KCNIP3: variants seen among roughly 807,000 people sequenced by gnomAD.
The protein encoded by KCNIP3 is calsenilin.
KCNIP3 carries 28 observed loss-of-function variants against 35.0 expected under a neutral mutation model. The ratio of observed to expected loss-of-function variants is 0.80; its 90% CI spans 0.59 to 1.10. The LOEUF is 1.10. Among genes scored for constraint, KCNIP3 ranks in the 50% least tolerant of loss-of-function variants. KCNIP3 has a pLI of 0.00. For synonymous variants in KCNIP3, 134 were observed against 133.8 expected, an observed-to-expected ratio of 1.00 and a Z score of -0.01; for missense variants, 295 against 338.4, an observed-to-expected ratio of 0.87 and a Z score of 1.01.
rs1680365134 is a variant in KCNIP3, at chr2:95,382,222, G to T, written c.556-155G>T. On this transcript the variant is annotated intron_variant, in intron 6 of 8. Coordinates refer to ENST00000295225, the MANE Select transcript of KCNIP3 (RefSeq NM_013434.5). The surrounding 1 kb of genome is among the most constrained non-coding windows in gnomAD (Gnocchi z 4.5). ...CTAGAGTCAGAAGCTCGCTCTGGGT[G>T]CCCTGGAAGCGGACAGGCTTCTCTC... is the stretch of plus-strand genomic sequence containing the variant. Among the ~76,000 whole-genome samples, 1 of 152,206 alleles carries T rather than the reference G, an allele frequency of 6.6e-6. No individual in the cohort carries two copies. The highest frequency in any genetic ancestry group is 6.5e-5 in the Admixed American group (1 of 15,294).
intron 2 of KCNIP3, among the ~76,000 whole-genome samples, chr2:95,326,176 TAC>T (rs766769200): frequency 8.0e-5 from 12 of 149,940 alleles, no homozygotes; most frequent in Admixed American, 2.0e-4. Context: ...TATACACATA[TAC>T]ACAGTCATAC....
At chr2:95,365,322 C>T (rs1438028696) in intron 2 of KCNIP3, among the ~76,000 whole-genome samples, 1 of 151,980 alleles carries the variant, frequency 6.6e-6, no homozygotes, top group Non-Finnish European at 1.5e-5. Flanking sequence ...CCACTGTGCC[C>T]AGATAATTTT....
intron 5 of KCNIP3, 40 bp downstream of exon 5, chr2:95,375,248 T>C: frequency 6.4e-7 from 1 of 1,567,220 alleles, no homozygotes; most frequent in Non-Finnish European, 8.8e-7. Flanking sequence ...CCTGCCCCTG[T>C]GGTTGCAGGA....
chr2:95,325,470 G>T (rs1277368846), intron 2 of KCNIP3, among the ~76,000 whole-genome samples: 1 of 152,132 alleles, frequency 6.6e-6, no homozygotes, highest in African/African-American at 2.4e-5. Context: ...GGAGGGTCCT[G>T]GCCAGGCAGG....
At chr2:95,343,571 C>T (rs1296704909) in intron 2 of KCNIP3, among the ~76,000 whole-genome samples, 1 of 152,114 alleles carries the variant, frequency 6.6e-6, no homozygotes, top group Non-Finnish European at 1.5e-5. Flanking sequence ...TCATGAAATC[C>T]CTGGGCAGCT....
chr2:95,377,474 C>T lies in KCNIP3; in HGVS notation c.447+2266C>T, dbSNP rs529365410. Reference sequence around the variant, plus strand: ...CTCCGGGCTCTGCCGGGAGACCCTCCTGTGCACTCTTGTGCACCTTCACCT... The same window carrying T: ...CTCCGGGCTCTGCCGGGAGACCCTCTTGTGCACTCTTGTGCACCTTCACCT... On this transcript the variant is annotated intron_variant, in intron 5 of 8. Coordinates refer to ENST00000295225, the MANE Select transcript of KCNIP3 (RefSeq NM_013434.5). The surrounding 1 kb of genome is among the most constrained non-coding windows in gnomAD (Gnocchi z 4.7). 2.6e-4 allele frequency among the ~76,000 whole-genome samples: 39 copies of T among 152,384 alleles called. 1 individual carries two copies. In the South Asian group the frequency reaches 4.1e-3, roughly 16 times the overall value.
At position 95,347,533 on chromosome 2, in the gene KCNIP3, G is replaced by T. The variant is rs573306961; in HGVS notation, c.182-26763G>T. ...GAGAGATTTGAGGCCTCTGCCCTGT[G>T]ATGGGGCCTCCCCTTTCGCCCCGCA... On this transcript the variant is annotated intron_variant, in intron 2 of 8. Coordinates refer to ENST00000295225, the MANE Select transcript of KCNIP3 (RefSeq NM_013434.5). Among the ~76,000 whole-genome samples the T allele has an allele frequency of 5.3e-5, 8 of 152,338 alleles. 1 individual carries two copies. In the East Asian group the frequency reaches 1.2e-3, roughly 22 times the overall value.
intron 2 of KCNIP3, among the ~76,000 whole-genome samples, chr2:95,363,882 C>T (rs1573513892): frequency 6.6e-6 from 1 of 152,030 alleles, no homozygotes; most frequent in South Asian, 2.1e-4. Flanking sequence ...ATTTTTGTAT[C>T]GATTAATCTT....
chr2:95,370,786 A>T (rs1353123129), intron 2 of KCNIP3, among the ~76,000 whole-genome samples: 1 of 151,564 alleles, frequency 6.6e-6, no homozygotes, highest in Non-Finnish European at 1.5e-5. Flanking sequence ...TTTGAGACGA[A>T]GTTTTGCTCT....
intron 1 of KCNIP3, among the ~76,000 whole-genome samples, chr2:95,297,671 C>T (rs1031348882): frequency 2.0e-5 from 3 of 151,774 alleles, no homozygotes; most frequent in African/African-American, 7.3e-5. Flanking sequence ...GGTGTCCTGG[C>T]TGGTGTTGGG....
intron 2 of KCNIP3, among the ~76,000 whole-genome samples, chr2:95,346,214 C>G (rs1679353557): frequency 6.6e-6 from 1 of 152,074 alleles, no homozygotes; most frequent in African/African-American, 2.4e-5. Context: ...GTGAGGGCTT[C>G]CCGGATCCCC....
intron 2 of KCNIP3, among the ~76,000 whole-genome samples, chr2:95,342,821 A>C (rs1679228714): frequency 6.6e-6 from 1 of 151,936 alleles, no homozygotes; most frequent in South Asian, 2.1e-4. Flanking sequence ...GGTGGTATGG[A>C]GTGGAAAAGA....
At chr2:95,310,219 G>A (rs768656487) in intron 1 of KCNIP3, 136 bp from the exon 2 acceptor site, 7 of 1,003,178 alleles carry the variant, frequency 7.0e-6, no homozygotes, top group Non-Finnish European at 1.1e-5. Flanking sequence ...AGGGGCACTA[G>A]GCATGCAGCC....
At chr2:95,329,859 C>T (rs1272618393) in intron 2 of KCNIP3, among the ~76,000 whole-genome samples, 12 of 152,262 alleles carry the variant, frequency 7.9e-5, no homozygotes, top group African/African-American at 1.9e-4. Flanking sequence ...CAGCTCTTCC[C>T]TGCGCGTCTT....
chr2:95,326,901 G>A (rs1357861102), intron 2 of KCNIP3, among the ~76,000 whole-genome samples: 1 of 152,176 alleles, frequency 6.6e-6, no homozygotes, highest in African/African-American at 2.4e-5. Context: ...TCATGCGTGG[G>A]GCCCTCGCTG....
At chr2:95,358,627 G>A (rs1384270722) in intron 2 of KCNIP3, among the ~76,000 whole-genome samples, 1 of 152,214 alleles carries the variant, frequency 6.6e-6, no homozygotes, top group Non-Finnish European at 1.5e-5. Flanking sequence ...AGTTCTGGAA[G>A]CTTGGAAGTA....
intron 1 of KCNIP3, among the ~76,000 whole-genome samples, chr2:95,307,427 G>A (rs1678204716): frequency 6.6e-6 from 1 of 152,270 alleles, no homozygotes; most frequent in African/African-American, 2.4e-5. Flanking sequence ...GACTATATGT[G>A]TAGTGTGGCC....
At chr2:95,305,522 G>A (rs1297003460) in intron 1 of KCNIP3, among the ~76,000 whole-genome samples, 3 of 152,114 alleles carry the variant, frequency 2.0e-5, no homozygotes, top group Admixed American at 2.0e-4. Flanking sequence ...TCATTTCCGT[G>A]TGCATTTTTT....
At chr2:95,305,143 A>G (rs1332870235) in intron 1 of KCNIP3, among the ~76,000 whole-genome samples, 1 of 152,176 alleles carries the variant, frequency 6.6e-6, no homozygotes, top group Non-Finnish European at 1.5e-5. Flanking sequence ...GCTGGTAGAC[A>G]ATGACAGTTC....
Sources: gnomAD v4.1 joint callset for allele counts (sites outside exome capture counted in the v4.1 genomes callset) on GRCh38, gnomAD v4.1.1 for gene constraint, Gnocchi (gnomAD v3.1) non-coding constraint, MANE v1.5 for transcripts, NCBI Gene and HGNC (gene_info 2026-07-23, HGNC 2026-07-21) for gene names.